The following DNAJA2 variants were observed in gnomAD, a reference collection of about 807,000 sequenced individuals.
DNAJA2 encodes the protein DnaJ heat shock protein family (Hsp40) member A2, also known as dnaJ homolog subfamily A member 2.
Under a neutral mutation model 49.3 loss-of-function variants are expected in DNAJA2, and 6 were observed. That is an observed-to-expected ratio of 0.12 (90% CI 0.07 to 0.24). DNAJA2 has a LOEUF of 0.24. Ranked by LOEUF, DNAJA2 falls within the 10% of genes least tolerant of loss-of-function variation. DNAJA2 has a pLI of 1.00. For missense variants in DNAJA2, 347 were observed against 516.8 expected, an observed-to-expected ratio of 0.67 and a Z score of 3.19; for synonymous variants, 160 against 172.7, an observed-to-expected ratio of 0.93 and a Z score of 0.58.
At position 46,971,925 on chromosome 16, in the gene DNAJA2, G is replaced by T; in HGVS notation, c.109C>A (p.Pro37Thr). ...TCTCCTGCATTTGGATTCTTATCAG[G>T]ATGATATTCCTTGGCTAACTTTCTG... Reference protein sequence around the residue: ...AYRKLAKEYHPDKNPNAGDKF... With the variant: ...AYRKLAKEYHTDKNPNAGDKF... Residue 37 changes from proline (P) to threonine (T), a missense_variant, in exon 2 of 9, where the codon CCT becomes ACT. Pro to Thr is a conservative substitution (Grantham distance 38). Coordinates refer to ENST00000317089, the MANE Select transcript of DNAJA2 (RefSeq NM_005880.4). 2 of 1,612,990 alleles carry T rather than the reference G, an allele frequency of 1.2e-6. No homozygotes were observed.
intron 6 of DNAJA2, chr16:46,959,716 T>G (rs1451698206): frequency 1.2e-5 from 3 of 246,320 alleles, no homozygotes; most frequent in Non-Finnish European, 2.4e-5. Flanking sequence ...TTGCCCACTT[T>G]CAGACTCTGC....
At chr16:46,961,581 CAA>C (rs36085777) in intron 6 of DNAJA2, among the ~76,000 whole-genome samples, 212 of 135,340 alleles carry the variant, frequency 1.6e-3, no homozygotes, top group Non-Finnish European at 1.7e-3. Flanking sequence ...AAGACTGTCT[CAA>C]AAAAAAAAAA....
At chr16:46,958,929 G>C (rs1447598493) in intron 8 of DNAJA2, 74 bp downstream of exon 8, 1 of 1,506,294 alleles carries the variant, frequency 6.6e-7, no homozygotes, top group African/African-American at 1.4e-5. Context: ...GGGTGACAGA[G>C]ACCCTGTCTA....
At chr16:46,964,007 G>A (rs539879495) in intron 6 of DNAJA2, among the ~76,000 whole-genome samples, 5 of 152,240 alleles carry the variant, frequency 3.3e-5, no homozygotes, top group South Asian at 2.1e-4. Context: ...GGGAGGTGGA[G>A]GCTGCAGTGA....
At chr16:46,973,083 G>C (rs550462935) in intron 1 of DNAJA2, 1 of 152,264 alleles carries the variant, frequency 6.6e-6, no homozygotes, top group South Asian at 2.1e-4. Context: ...CCGCGGGGCG[G>C]ACAGCTTCTC....
chr16:46,958,057 G>T (rs1488179277), intron 8 of DNAJA2, among the ~76,000 whole-genome samples: 1 of 152,182 alleles, frequency 6.6e-6, no homozygotes, highest in Non-Finnish European at 1.5e-5. Context: ...ACTTGAAGTC[G>T]GCTGGGTGCA....
intron 3 of DNAJA2, 38 bp downstream of exon 3, chr16:46,971,311 G>A (rs368575235): frequency 1.5e-5 from 23 of 1,573,956 alleles, no homozygotes; most frequent in Non-Finnish European, 1.6e-5. Flanking sequence ...TTGACAAAAA[G>A]TACTTAATTT....
rs373434758 is a variant in DNAJA2 at position 46,973,453 on chromosome 16, G to A, written c.78+42C>T. 9,733 of 1,556,538 alleles carry A rather than the reference G, an allele frequency of 6.3e-3. 34 individuals are homozygous for A. Among genetic ancestry groups the A allele is most frequent in the Non-Finnish European group, 7.7e-3 (8,877 of 1,156,850 alleles). ...TGAAGAAGACATCCCTGGCCGCGCA[G>A]GCCCCGCGCCCCTCACACCCGCCCG... On this transcript the variant is annotated intron_variant, in intron 1 of 8. Coordinates refer to ENST00000317089, the MANE Select transcript of DNAJA2 (RefSeq NM_005880.4).
In DNAJA2 at chr16:46,955,894, T is replaced by A. The variant is rs1961802180; in HGVS notation, c.*1135A>T. 1 of 152,108 alleles carries A rather than the reference T, an allele frequency of 6.6e-6. No homozygotes were observed. Among genetic ancestry groups the A allele is most frequent in the African/African-American group, 2.4e-5 (1 of 41,420 alleles). The allele number at this position is 152,108 out of a possible 1,614,324, so 9.4% of individuals were successfully genotyped here. On this transcript the variant is annotated 3_prime_UTR_variant, in exon 9 of 9. Transcript: ENST00000317089. ...ATTTTTAGTTTGAAATATAAATAAC[T>A]ACAACAATGCATATTTCAGTTGCCT...
chr16:46,963,140 T>C (rs955864032), intron 6 of DNAJA2, among the ~76,000 whole-genome samples: 1 of 152,078 alleles, frequency 6.6e-6, no homozygotes, highest in African/African-American at 2.4e-5. Context: ...TAGGAGAAAA[T>C]TTTAGGGCAA....
intron 8 of DNAJA2, 114 bp downstream of exon 8, chr16:46,958,889 A>C: frequency 8.4e-7 from 1 of 1,196,064 alleles, no homozygotes. Context: ...GGCTGCAGTG[A>C]GCCACGATCA....
rs767919490 is a variant in DNAJA2, at chr16:46,973,609, G to C, written c.-37C>G. The stretch of plus-strand genomic sequence containing the variant: ...GGGCAGTGCTCGGGGAGAAGGTGGC[G>C]AAGCAGACAGAGCGGAGTCGGGCCC... On this transcript the variant is annotated 5_prime_UTR_variant, in exon 1 of 9. Transcript: ENST00000317089. The C allele has an allele frequency of 5.7e-6, 9 of 1,581,982 alleles. No homozygotes were observed. The highest frequency in any genetic ancestry group is 6.8e-6 in the Non-Finnish European group (8 of 1,170,736).
chr16:46,962,496 T>G (rs1428474670), intron 6 of DNAJA2, among the ~76,000 whole-genome samples: 7 of 152,192 alleles, frequency 4.6e-5, no homozygotes, highest in Non-Finnish European at 1.0e-4. Context: ...ATTCTATCAA[T>G]GAAAATGCCC....
rs1596653565 is a variant in DNAJA2, at chr16:46,956,893, C to T, written c.*136G>A. The T allele has an allele frequency of 3.2e-6, 3 of 924,242 alleles. No homozygotes were observed. The East Asian group carries it at 7.2e-5, about 22-fold the overall frequency. The allele number at this position is 924,242 out of a possible 1,614,324, so 57.3% of individuals were successfully genotyped here. ...ATTATACACTCTGTAGATACTATAC[C>T]AATTTTAAAAGTTATACATAGACCA... On this transcript the variant is annotated 3_prime_UTR_variant, in exon 9 of 9. Coordinates refer to ENST00000317089, the MANE Select transcript of DNAJA2 (RefSeq NM_005880.4).
chr16:46,959,466 G>A (rs1374844990), intron 6 of DNAJA2, 47 bp from the exon 7 acceptor site: 2 of 1,523,292 alleles, frequency 1.3e-6, no homozygotes, highest in South Asian at 2.3e-5. Context: ...AAATTATGGA[G>A]GTACACCCTG....
intron 8 of DNAJA2, chr16:46,958,585 C>CAAA (rs34754617): frequency 2.8e-5 from 4 of 144,640 alleles, no homozygotes; most frequent in East Asian, 2.1e-4. Flanking sequence ...CAAAAACAAA[C>CAAA]AAACAAAAAA....
At chr16:46,958,196 T>A (rs2143639628) in intron 8 of DNAJA2, among the ~76,000 whole-genome samples, 1 of 151,734 alleles carries the variant, frequency 6.6e-6, no homozygotes. Context: ...TACACACCCG[T>A]AGCAAGCCAT....
Position 46,956,182 on chromosome 16 carries a change from CAA to C in DNAJA2, c.*845_*846del, listed in dbSNP as rs1000870635. On this transcript the variant is annotated 3_prime_UTR_variant, in exon 9 of 9. Coordinates refer to ENST00000317089, the MANE Select transcript of DNAJA2 (RefSeq NM_005880.4). The stretch of plus-strand genomic sequence containing the variant: ...CCCAGTGCTTGGGAGTTACAGCACT[CAA>C]GACACCCTGGCCTCTACAGAGCATC... 6.6e-6 allele frequency: 1 copy of C among 152,096 alleles called. No individual in the cohort carries two copies. Among genetic ancestry groups the C allele is most frequent in the Non-Finnish European group, 1.5e-5 (1 of 68,032 alleles). 9.4% of individuals were successfully genotyped at this position (152,096 alleles called of 1,614,324 possible).
At position 46,959,008 on chromosome 16, in the gene DNAJA2, G is replaced by C. The variant is rs1307028879; in HGVS notation, c.1042C>G (p.Leu348Val). Reference protein sequence around the residue: ...PENNWINPDKLSELEDLLPSR... With the variant: ...PENNWINPDKVSELEDLLPSR... The stretch of plus-strand genomic sequence containing the variant: ...TTAATTTAAAGAACACTTACAGAAA[G>C]CTTGTCTGGGTTGATCCAGTTGTTT... Residue 348 changes from leucine to valine, a missense_variant, in exon 8 of 9, where the codon CTT (leucine) becomes GTT (valine). Leu to Val is a conservative substitution (Grantham distance 32). Transcript: ENST00000317089. 1 of 1,579,248 alleles carries C rather than the reference G, an allele frequency of 6.3e-7. No homozygotes were observed. Among genetic ancestry groups the C allele is most frequent in the Non-Finnish European group, 8.6e-7 (1 of 1,168,520 alleles).
Sources: gnomAD v4.1 joint callset for allele counts (sites outside exome capture counted in the v4.1 genomes callset) on GRCh38, gnomAD v4.1.1 for gene constraint, MANE v1.5 for transcripts, NCBI Gene and HGNC (gene_info 2026-07-23, HGNC 2026-07-21) for gene names.